Variants in ZAN observed in about 807,000 individuals in gnomAD.
ZAN encodes zonadhesin, also known as zonadhesin (gene/pseudogene).
A neutral mutation model predicts 286.2 loss-of-function variants in ZAN; 260 were observed. The observed-to-expected ratio is 0.91, with a 90% CI of 0.82 to 1.01. The LOEUF is 1.01. ZAN is among the 50% of genes least tolerant of loss of function. ZAN has a pLI of 0.00. For missense variants in ZAN, 3,410 were observed against 3,639.2 expected (o/e 0.94, Z 1.62); for synonymous variants, 1,368 against 1,417.5 (o/e 0.97, Z 0.79).
chr7:100,751,058 G>C, intron 12 of ZAN, 124 bp from the exon 13 acceptor site: 1 of 1,354,392 alleles, frequency 7.4e-7, no homozygotes, highest in South Asian at 1.5e-5. Flanking sequence ...GATGGGGCTG[G>C]ACTGTTGAGG....
At position 100,751,845 on chromosome 7, in the gene ZAN, C is replaced by T. The variant is rs1755013177; in HGVS notation, c.1740C>T (p.Thr580=). 6.2e-7 allele frequency: 1 copy of T among 1,613,568 alleles called. No individual in the cohort carries two copies. Among genetic ancestry groups the T allele is most frequent in the African/African-American group, 1.3e-5 (1 of 74,832 alleles). ...TTTCCATAGAAAAACCCAGTGTCAC[C>T]ACAGAAAAGCCCACAGTCCCCAAAG... ...PTVSIEKPSV[T]TEKPTVPKEK... is the part of the protein sequence containing the mutation. Residue 580 remains threonine, a synonymous_variant, in exon 14 of 48, where the codon ACC becomes ACT. Transcript: ENST00000613979.
At chr7:100,783,805 C>CATATATATACACATATAT (rs1554409817) in intron 35 of ZAN, among the ~76,000 whole-genome samples, 1 of 22,868 alleles carries the variant, frequency 4.4e-5, no homozygotes, top group African/African-American at 8.8e-5. Flanking sequence ...TATATACACA[C>CATATATATACACATATAT]ATATATATAT....
rs763061112 is a variant in ZAN at position 100,779,552 on chromosome 7, G to A, written c.6424G>A (p.Glu2142Lys). 17 of 1,611,608 alleles carry A rather than the reference G, an allele frequency of 1.1e-5. No individual in the cohort carries two copies. In the African/African-American group the frequency reaches 1.6e-4, roughly 15 times the overall value. The change falls in exon 35 of 48, where the codon GAG becomes AAG. Residue 2142 changes from glutamate to lysine, a missense_variant. Physicochemically the swap from Glu to Lys is moderately conservative, Grantham distance 56. This residue lies in a region of ZAN where 1,289 missense variants were observed against 1,314.3 expected (regional missense o/e 0.98). Transcript: ENST00000613979. ...ADLRRAREKC[E>K]AALRAPVWAQ... ...CCTCCGCAGGGCGCGGGAAAAGTGC[G>A]AGGCAGCGCTCCGGGCTCCTGTGTG...
chr7:100,754,665 G>A (rs1399775479), intron 14 of ZAN, among the ~76,000 whole-genome samples: 1 of 151,130 alleles, frequency 6.6e-6, no homozygotes, highest in Non-Finnish European at 1.5e-5. Flanking sequence ...CACCACGACT[G>A]GCTAATTTTT....
chr7:100,748,604 T>C, intron 11 of ZAN, 134 bp downstream of exon 11: 1 of 1,238,462 alleles, frequency 8.1e-7, no homozygotes, highest in South Asian at 1.6e-5. Context: ...TTTTCGGAAG[T>C]TTCCATGGTA....
Position 100,736,879 on chromosome 7 carries a change from C to T in ZAN, c.324C>T (p.Asp108=). Residue 108 remains aspartate, a synonymous_variant, in exon 5 of 48, where the codon GAC becomes GAT. Coordinates refer to ENST00000613979, the MANE Select transcript of ZAN (RefSeq NM_003386.3). ...GAGTGGCCCGCCTGCTCAGCCCCGA[C>T]CTATGGGAGCAAGGCCCCCTCTGTG... The part of the protein sequence containing the change: ...RGGVARLLSP[D]LWEQGPLCVH... 3 of 1,487,186 alleles carry T rather than the reference C, an allele frequency of 2.0e-6. 1 individual carries two copies. In the African/African-American group the frequency reaches 4.2e-5, roughly 21 times the overall value. 92.1% of individuals were successfully genotyped at this position (1,487,186 alleles called of 1,614,324 possible).
In ZAN at chr7:100,753,140, T is replaced by A. The variant is rs6942733; in HGVS notation, c.3035T>A (p.Leu1012Gln). 13 of 1,613,698 alleles carry A rather than the reference T, an allele frequency of 8.1e-6. No homozygotes were observed. Among genetic ancestry groups the A allele is most frequent in the African/African-American group, 5.3e-5 (4 of 74,982 alleles). ...PPHPSPTATG[L>Q]AALVMSPHAP... is the part of the protein sequence containing the mutation. The stretch of plus-strand genomic sequence containing the variant: ...CATCCCAGCCCCACAGCCACTGGGC[T>A]GGCAGCCTTGGTGATGTCTCCACAT... Residue 1012 changes from leucine (L) to glutamine (Q), a missense_variant, in exon 14 of 48, where the codon CTG becomes CAG. Leu to Gln is a moderately radical substitution (Grantham distance 113). Coordinates refer to ENST00000613979, the MANE Select transcript of ZAN (RefSeq NM_003386.3).
rs1435684070 is a variant in ZAN, at chr7:100,762,267, G to A, written c.3895G>A (p.Asp1299Asn). ...GTGTGGGAACTATGACGGCAACAGT[G>A]ACAATGACCACCTGAAGTTGGACGG... ...GLCGNYDGNS[D>N]NDHLKLDGSP... Residue 1299 changes from aspartate to asparagine, a missense_variant, in exon 20 of 48, where the codon GAC becomes AAC. Physicochemically the swap from Asp to Asn is conservative, Grantham distance 23. This residue lies in a region of ZAN where 1,042 missense variants were observed against 1,058.0 expected (regional missense o/e 0.98). Coordinates refer to ENST00000613979, the MANE Select transcript of ZAN (RefSeq NM_003386.3). 8 of 1,613,584 alleles carry A rather than the reference G, an allele frequency of 5.0e-6. No homozygotes were observed. In the South Asian group the frequency reaches 5.5e-5, roughly 11 times the overall value.
chr7:100,753,126 C>T lies in ZAN; in HGVS notation c.3021C>T (p.Pro1007=). The T allele has an allele frequency of 6.2e-7, 1 of 1,613,994 alleles. No individual in the cohort carries two copies. The highest frequency in any genetic ancestry group is 1.3e-5 in the African/African-American group (1 of 75,068). ...CCCTGAGGCCACCCCATCCCAGCCC[C>T]ACAGCCACTGGGCTGGCAGCCTTGG... is the stretch of plus-strand genomic sequence containing the variant. ...LTALRPPHPS[P]TATGLAALVM... Residue 1007 remains proline, a synonymous_variant, in exon 14 of 48, where the codon CCC becomes CCT. Transcript: ENST00000613979.
chr7:100,757,082 TAG>T (rs2115907937), intron 15 of ZAN, among the ~76,000 whole-genome samples: 1 of 152,262 alleles, frequency 6.6e-6, no homozygotes, highest in Non-Finnish European at 1.5e-5. Context: ...TCACTTCTAA[TAG>T]ATTCATTTAT....
intron 28 of ZAN, among the ~76,000 whole-genome samples, chr7:100,771,361 C>T (rs970817887): frequency 2.6e-5 from 4 of 152,170 alleles, no homozygotes; most frequent in Admixed American, 6.5e-5. Context: ...TGTGCACCAC[C>T]ATGGCCGGCT....
chr7:100,792,333 T>A, intron 41 of ZAN, 72 bp from the exon 42 acceptor site: 1 of 1,526,860 alleles, frequency 6.5e-7, no homozygotes, highest in Non-Finnish European at 8.8e-7. Context: ...GGTTCCAGGC[T>A]CTCTTCTGCA....
intron 7 of ZAN, among the ~76,000 whole-genome samples, chr7:100,745,471 T>C (rs1375986483): frequency 6.6e-6 from 1 of 151,716 alleles, no homozygotes; most frequent in Non-Finnish European, 1.5e-5. Context: ...GCTGATTGGC[T>C]GTCTGAGCTG....
intron 18 of ZAN, among the ~76,000 whole-genome samples, chr7:100,760,186 C>T: frequency 6.6e-6 from 1 of 152,120 alleles, no homozygotes; most frequent in Non-Finnish European, 1.5e-5. Context: ...TGCACTCCAG[C>T]CTAGGCAACA....
intron 39 of ZAN, among the ~76,000 whole-genome samples, chr7:100,789,567 C>G (rs990891506): frequency 6.6e-6 from 1 of 152,032 alleles, no homozygotes; most frequent in East Asian, 1.9e-4. Flanking sequence ...CCCAGCGCTC[C>G]GGGAAGCTGA....
In ZAN at chr7:100,738,532, T is replaced by G; in HGVS notation, c.685T>G (p.Ser229Ala). 1 of 1,506,028 alleles carries G rather than the reference T, an allele frequency of 6.6e-7. No individual in the cohort carries two copies. Among genetic ancestry groups the G allele is most frequent in the African/African-American group, 1.4e-5 (1 of 70,912 alleles). 93.3% of individuals were successfully genotyped at this position (1,506,028 alleles called of 1,614,324 possible). Reference protein sequence around the residue: ...LCDWTWIPTASGAKWTQKKGS... With the variant: ...LCDWTWIPTAAGAKWTQKKGS... ...TGACTGGACCTGGATCCCAACTGCCTCCGGGGCCAAGTGGACTCAGAAGAA... is the reference window on the plus strand; with the variant it reads ...TGACTGGACCTGGATCCCAACTGCCGCCGGGGCCAAGTGGACTCAGAAGAA... The change falls in exon 7 of 48, where the codon TCC (serine) becomes GCC (alanine). Residue 229 changes from serine to alanine, a missense_variant. Around this residue, in one of 7 missense-constraint regions of ZAN, gnomAD observed 872 missense variants for 938.9 expected, o/e 0.93. Transcript: ENST00000613979.
chr7:100,782,987 G>T (rs1032249500), intron 35 of ZAN, among the ~76,000 whole-genome samples: 1 of 152,198 alleles, frequency 6.6e-6, no homozygotes, highest in Non-Finnish European at 1.5e-5. Context: ...TGAGCTTTGG[G>T]CTGGGCGCTG....
intron 11 of ZAN, among the ~76,000 whole-genome samples, chr7:100,749,639 C>CAAAAAAAAA (rs762868522): frequency 4.5e-5 from 3 of 66,890 alleles, no homozygotes; most frequent in African/African-American, 1.6e-4. Context: ...GACTCCGTCT[C>CAAAAAAAAA]AAAAAAAAAA....
At chr7:100,761,770 C>G (rs552863445) in intron 19 of ZAN, among the ~76,000 whole-genome samples, 234 of 151,894 alleles carry the variant, frequency 1.5e-3, no homozygotes, top group Non-Finnish European at 2.7e-3. Flanking sequence ...AACCCCATCT[C>G]TACTAAAAAT....
Sources: allele counts gnomAD v4.1 joint callset (sites outside exome capture counted in the v4.1 genomes callset), GRCh38; gene constraint gnomAD v4.1.1; regional missense constraint gnomAD v4.1.1; transcripts MANE v1.5; gene names NCBI Gene and HGNC (gene_info 2026-07-23, HGNC 2026-07-21).